The following ZNF407 variants were observed in gnomAD, a reference collection of about 807,000 sequenced individuals.
ZNF407 encodes the protein zinc finger protein 407.
ZNF407 carries 17 observed loss-of-function variants against 131.2 expected under a neutral mutation model. The ratio of observed to expected loss-of-function variants is 0.13; its 90% CI spans 0.09 to 0.19. The LOEUF is 0.19. Ranked by LOEUF, ZNF407 falls within the 10% of genes least tolerant of loss-of-function variation. The pLI is 1.00. For synonymous variants in ZNF407, 1,156 were observed against 1,062.0 expected (o/e 1.09, Z -1.72); for missense variants, 2,681 against 2,830.6 (o/e 0.95, Z 1.20).
chr18:74,772,123 A>G (rs1004097023), intron 3 of ZNF407, among the ~76,000 whole-genome samples: 5 of 152,260 alleles, frequency 3.3e-5, no homozygotes, highest in Admixed American at 1.3e-4. Flanking sequence ...CATTTTCTTG[A>G]AAAAGTCAAA....
Position 74,901,776 on chromosome 18 carries a change from G to T in ZNF407, c.5249+11738G>T, listed in dbSNP as rs993538122. ...CAATCCAGCTCTTCCTGAGCTGTGT[G>T]TATGCACTTGCTTTAACTACACATG... is the stretch of plus-strand genomic sequence containing the variant. On this transcript the variant is annotated intron_variant, in intron 7 of 8. Transcript: ENST00000299687. 4.5e-4 allele frequency among the ~76,000 whole-genome samples: 69 copies of T among 152,292 alleles called. 1 individual carries two copies. The highest frequency in any genetic ancestry group is 1.5e-3 in the African/African-American group (64 of 41,566).
intron 4 of ZNF407, among the ~76,000 whole-genome samples, chr18:74,802,048 G>A (rs1334226750): frequency 1.3e-5 from 2 of 151,914 alleles, no homozygotes; most frequent in African/African-American, 4.8e-5. Context: ...TGAATATGAA[G>A]GATAAAATAA....
chr18:74,758,735 T>G (rs980733853), intron 3 of ZNF407, among the ~76,000 whole-genome samples: 2 of 151,968 alleles, frequency 1.3e-5, no homozygotes, highest in Non-Finnish European at 2.9e-5. Context: ...AGATTACAGA[T>G]GTGTGCTCCC....
chr18:74,672,790 C>T (rs959015837), intron 3 of ZNF407, among the ~76,000 whole-genome samples: 1 of 152,112 alleles, frequency 6.6e-6, no homozygotes, highest in Admixed American at 6.5e-5. Flanking sequence ...TTTTTTAAAA[C>T]ATGTTTTGAT....
At chr18:75,062,790 G>A (rs8086096) in intron 8 of ZNF407, 6,587 of 184,474 alleles carry the variant, frequency 0.036, 403 homozygotes, top group African/African-American at 0.13. Context: ...CTTAGCACCC[G>A]TGACGGAACG....
chr18:74,901,229 T>G (rs188700154), intron 7 of ZNF407, among the ~76,000 whole-genome samples: 20 of 152,334 alleles, frequency 1.3e-4, no homozygotes, highest in Non-Finnish European at 2.4e-4. Flanking sequence ...TTCCTTTGAT[T>G]CTGTTGGAAT....
At chr18:74,763,457 T>A (rs971783863) in intron 3 of ZNF407, among the ~76,000 whole-genome samples, 2 of 151,470 alleles carry the variant, frequency 1.3e-5, no homozygotes, top group African/African-American at 2.4e-5. Context: ...ACATTTTTTC[T>A]TTAATGAGTT....
At chr18:74,664,710 C>T (rs978817537) in intron 3 of ZNF407, among the ~76,000 whole-genome samples, 6 of 152,106 alleles carry the variant, frequency 3.9e-5, no homozygotes, top group African/African-American at 1.4e-4. Context: ...CTGTCTCTCT[C>T]TCTCTTTCTC....
At position 74,990,339 on chromosome 18, in the gene ZNF407, C is replaced by T. The variant is rs373027952; in HGVS notation, c.5428+69647C>T. ...GGCTTTGGTTAAGTTGGACAATAGC[C>T]AAAGGAATCTAAAATGCTACAGCAA... is the stretch of plus-strand genomic sequence containing the variant. On this transcript the variant is annotated intron_variant, in intron 8 of 8. Transcript: ENST00000299687. 5.3e-5 allele frequency among the ~76,000 whole-genome samples: 8 copies of T among 152,258 alleles called. No homozygotes were observed. The South Asian group carries it at 1.0e-3, about 20-fold the overall frequency.
At chr18:74,776,213 T>G (rs768335543) in intron 3 of ZNF407, among the ~76,000 whole-genome samples, 50 of 152,210 alleles carry the variant, frequency 3.3e-4, no homozygotes, top group Non-Finnish European at 3.5e-4. Flanking sequence ...TGTGGACACA[T>G]AGAAGACGCC....
At chr18:74,639,225 C>T (rs1158355435) in intron 2 of ZNF407, among the ~76,000 whole-genome samples, 1 of 152,210 alleles carries the variant, frequency 6.6e-6, no homozygotes, top group Non-Finnish European at 1.5e-5. Flanking sequence ...GAGCTAGTCA[C>T]ATGGCAGGTG....
chr18:74,638,148 G>C (rs1361398004), intron 2 of ZNF407, among the ~76,000 whole-genome samples: 1 of 152,184 alleles, frequency 6.6e-6, no homozygotes, highest in African/African-American at 2.4e-5. Flanking sequence ...AATGTTCCAG[G>C]GAGATACGGA....
chr18:74,901,650 A>G (rs1226736526), intron 7 of ZNF407, among the ~76,000 whole-genome samples: 1 of 147,934 alleles, frequency 6.8e-6, no homozygotes, highest in Non-Finnish European at 1.5e-5. Flanking sequence ...CCTAAGAAAT[A>G]TATGGACAAT....
chr18:74,718,344 C>T (rs1967947006), intron 3 of ZNF407, among the ~76,000 whole-genome samples: 1 of 151,788 alleles, frequency 6.6e-6, no homozygotes, highest in Non-Finnish European at 1.5e-5. Context: ...AGAGTGAGAC[C>T]CTTTTTTTCC....
chr18:74,962,985 C>G (rs554708348), intron 8 of ZNF407, among the ~76,000 whole-genome samples: 261 of 152,330 alleles, frequency 1.7e-3, no homozygotes, highest in African/African-American at 6.1e-3. Flanking sequence ...AAGAGATTAT[C>G]CTGCTCTGAC....
Position 75,064,776 on chromosome 18 carries a change from T to A in ZNF407, c.*308T>A, listed in dbSNP as rs185101067. On this transcript the variant is annotated 3_prime_UTR_variant, in exon 9 of 9. Coordinates refer to ENST00000299687, the MANE Select transcript of ZNF407 (RefSeq NM_017757.3). ...GCCTCCCGCTTCGTCCTGGCCGCTG[T>A]GCTGAAGAGAAGCCAAGTGTTGTTG... 932 of 295,288 alleles carry A rather than the reference T, an allele frequency of 3.2e-3. 11 individuals carry two copies. The highest frequency in any genetic ancestry group is 0.018 in the African/African-American group (835 of 46,724). The allele number at this position is 295,288 out of a possible 1,614,324, so 18.3% of individuals were successfully genotyped here. A position where few individuals can be genotyped will look rare whatever the true frequency, so the allele number is the denominator to read the frequency against.
chr18:74,798,860 G>C (rs1351504805), intron 4 of ZNF407, among the ~76,000 whole-genome samples: 1 of 152,072 alleles, frequency 6.6e-6, no homozygotes, highest in Non-Finnish European at 1.5e-5. Context: ...ACTCCCAGAA[G>C]ACTGACAGAA....
At chr18:74,846,372 CTCT>C (rs1052944165) in intron 4 of ZNF407, among the ~76,000 whole-genome samples, 2 of 151,434 alleles carry the variant, frequency 1.3e-5, no homozygotes, top group Non-Finnish European at 2.9e-5. Flanking sequence ...ACGGAATCTG[CTCT>C]GTCACCCAGG....
At chr18:74,968,309 AAT>A (rs1972432396) in intron 8 of ZNF407, among the ~76,000 whole-genome samples, 1 of 152,104 alleles carries the variant, frequency 6.6e-6, no homozygotes, top group Non-Finnish European at 1.5e-5. Flanking sequence ...TGTAGCCTTG[AAT>A]ATAGTTTTTG....
Sources: gnomAD v4.1 joint callset for allele counts (sites outside exome capture counted in the v4.1 genomes callset) on GRCh38, gnomAD v4.1.1 for gene constraint, MANE v1.5 for transcripts, NCBI Gene and HGNC (gene_info 2026-07-23, HGNC 2026-07-21) for gene names.